OR10J1: variants seen among roughly 807,000 people sequenced by gnomAD.
OR10J1 encodes olfactory receptor family 10 subfamily J member 1.
For missense variants in OR10J1, 474 were observed against 376.6 expected, an observed-to-expected ratio of 1.26 and a Z score of -2.14; for synonymous variants, 202 against 143.8, an observed-to-expected ratio of 1.40 and a Z score of -2.89.
chr1:159,439,871 T>C lies in OR10J1; in HGVS notation c.80T>C (p.Leu27Pro). ...FSSFHEQQIT[L>P]FGVFLALYIL... Reference sequence around the variant, plus strand: ...AGCTTCCATGAGCAGCAGATCACCCTTTTTGGCGTGTTCCTTGCACTATAC... The same window carrying C: ...AGCTTCCATGAGCAGCAGATCACCCCTTTTGGCGTGTTCCTTGCACTATAC... Residue 27 changes from leucine (L) to proline (P), a missense_variant, in exon 1 of 1, where the codon CTT (leucine) becomes CCT (proline). Leu to Pro is a moderately conservative substitution (Grantham distance 98). Coordinates refer to ENST00000423932, the MANE Select transcript of OR10J1 (RefSeq NM_012351.3). 1 of 1,614,154 alleles carries C rather than the reference T, an allele frequency of 6.2e-7. No individual in the cohort carries two copies. The highest frequency in any genetic ancestry group is 8.5e-7 in the Non-Finnish European group (1 of 1,179,992).
chr1:159,439,564 TA>T (rs1318464711), upstream of OR10J1, among the ~76,000 whole-genome samples: 2 of 152,128 alleles, frequency 1.3e-5, no homozygotes, highest in African/African-American at 4.8e-5. Context: ...AAAGTGAGAC[TA>T]TATGATTCTA....
the OR10J1 span, chr1:159,405,559 C>T: frequency 5.7e-6 from 2 of 352,770 alleles, no homozygotes; most frequent in South Asian, 6.1e-5. Flanking sequence ...TGAGATGAGT[C>T]TGTTCTGCCC....
upstream of OR10J1, among the ~76,000 whole-genome samples, chr1:159,435,569 A>G (rs746416399): frequency 9.9e-5 from 15 of 152,152 alleles, no homozygotes; most frequent in Non-Finnish European, 2.1e-4. Flanking sequence ...TCATACACAG[A>G]CAGTTTGGAC....
At chr1:159,398,964 C>T in the OR10J1 span, among the ~76,000 whole-genome samples, 1 of 151,930 alleles carries the variant, frequency 6.6e-6, no homozygotes, top group South Asian at 2.1e-4. Flanking sequence ...CAGATTTAAC[C>T]CAAAGACTAC....
the OR10J1 span, among the ~76,000 whole-genome samples, chr1:159,404,379 G>T: frequency 6.6e-6 from 1 of 152,140 alleles, no homozygotes. Context: ...GGCACCTATT[G>T]TTTCCAGTAT....
chr1:159,416,617 TTC>T, the OR10J1 span, among the ~76,000 whole-genome samples: 1 of 152,122 alleles, frequency 6.6e-6, no homozygotes, highest in East Asian at 1.9e-4. Context: ...AGAGAAAATT[TTC>T]TCTTTTAATT....
the OR10J1 span, among the ~76,000 whole-genome samples, chr1:159,428,824 C>G: frequency 1.3e-5 from 2 of 152,180 alleles, no homozygotes; most frequent in African/African-American, 2.4e-5. Context: ...GTCAGTCTCT[C>G]CCAGCTTACT....
At chr1:159,415,724 T>G in the OR10J1 span, among the ~76,000 whole-genome samples, 254 of 152,180 alleles carry the variant, frequency 1.7e-3, 5 homozygotes, top group Admixed American at 0.011. Context: ...TAATATTCAC[T>G]TTTAGTAATA....
the OR10J1 span, among the ~76,000 whole-genome samples, chr1:159,431,809 T>C: frequency 1.3e-5 from 2 of 152,196 alleles, no homozygotes; most frequent in Non-Finnish European, 2.9e-5. Context: ...TGTAGGCTAA[T>C]GCAAGTGTTC....
chr1:159,399,387 C>T, the OR10J1 span, among the ~76,000 whole-genome samples: 7 of 151,660 alleles, frequency 4.6e-5, no homozygotes, highest in East Asian at 9.8e-4. Context: ...CTGGCTAACA[C>T]GGTGAAACCC....
the OR10J1 span, among the ~76,000 whole-genome samples, chr1:159,419,325 A>G: frequency 1.3e-5 from 2 of 152,178 alleles, no homozygotes; most frequent in Non-Finnish European, 2.9e-5. Flanking sequence ...GGAGAAACCC[A>G]GTGGGAGGTA....
At chr1:159,398,978 G>A in the OR10J1 span, among the ~76,000 whole-genome samples, 59,354 of 151,706 alleles carry the variant, frequency 0.39, 13,858 homozygotes, top group Non-Finnish European at 0.54. Flanking sequence ...AGACTACCTC[G>A]AGGCATTTAA....
the OR10J1 span, among the ~76,000 whole-genome samples, chr1:159,408,161 A>G: frequency 6.6e-6 from 1 of 152,088 alleles, no homozygotes; most frequent in Non-Finnish European, 1.5e-5. Flanking sequence ...TCTGTAGCTC[A>G]GTGGTTACAT....
chr1:159,440,034 G>C lies in OR10J1; in HGVS notation c.243G>C (p.Met81Ile), dbSNP rs201195973. The C allele has an allele frequency of 2.2e-5, 36 of 1,614,086 alleles. No individual in the cohort carries two copies. Among genetic ancestry groups the C allele is most frequent in the Non-Finnish European group, 3.0e-5 (35 of 1,180,006 alleles). The change falls in exon 1 of 1, where the codon ATG (methionine) becomes ATC (isoleucine). Residue 81 changes from methionine to isoleucine, a missense_variant. Transcript: ENST00000423932. ...ATACATTGGTCATTCTCCCAAGAAT[G>C]CTCTCCAGCCTCGTAGGTATGAGCC... ...TVYTLVILPR[M>I]LSSLVGMSQP...
the OR10J1 span, among the ~76,000 whole-genome samples, chr1:159,405,182 C>G: frequency 6.6e-6 from 1 of 152,222 alleles, no homozygotes; most frequent in African/African-American, 2.4e-5. Flanking sequence ...GTATAAGGAA[C>G]AACTAAATTA....
At chr1:159,429,792 A>G in the OR10J1 span, among the ~76,000 whole-genome samples, 2 of 152,082 alleles carry the variant, frequency 1.3e-5, no homozygotes, top group Non-Finnish European at 2.9e-5. Context: ...TGCTTTTTGT[A>G]TGTTTGTTAC....
chr1:159,436,648 G>GA (rs1381490091), upstream of OR10J1, among the ~76,000 whole-genome samples: 3 of 148,574 alleles, frequency 2.0e-5, no homozygotes, highest in South Asian at 2.1e-4. Flanking sequence ...CCGGAAAAGG[G>GA]AAAAAAATGG....
chr1:159,439,316 T>G (rs1425093925), upstream of OR10J1, among the ~76,000 whole-genome samples: 1 of 152,184 alleles, frequency 6.6e-6, no homozygotes, highest in Admixed American at 6.5e-5. Flanking sequence ...TATGAAAAGA[T>G]GTAAAAGGTA....
rs1201672935 is a variant in OR10J1 at position 159,440,162 on chromosome 1, T to TG, written c.373dup (p.Ala125GlyfsTer47). On this transcript the variant is annotated frameshift_variant, in exon 1 of 1. Coordinates refer to ENST00000423932, the MANE Select transcript of OR10J1 (RefSeq NM_012351.3). LOFTEE classifies it low-confidence loss of function (END_TRUNC). ...ACAGCAATGGGATATGACCGCTATG[T>TG]GGCCATCTGCAACCCCCTGAGATAC... is the stretch of plus-strand genomic sequence containing the variant. The TG allele has an allele frequency of 5.0e-6, 8 of 1,614,058 alleles. No homozygotes were observed. In the Admixed American group the frequency reaches 5.0e-5, roughly 10 times the overall value.
Sources: allele counts gnomAD v4.1 joint callset (sites outside exome capture counted in the v4.1 genomes callset), GRCh38; gene constraint gnomAD v4.1.1; transcripts MANE v1.5; gene names NCBI Gene and HGNC (gene_info 2026-07-23, HGNC 2026-07-21).